Variants in KCNIP4 observed in about 807,000 individuals in gnomAD.
The protein encoded by KCNIP4 is potassium voltage-gated channel interacting protein 4, also known as Kv channel-interacting protein 4.
KCNIP4 carries 12 observed loss-of-function variants against 34.0 expected under a neutral mutation model. That is an observed-to-expected ratio of 0.35 (90% CI 0.23 to 0.57). The LOEUF is 0.57. KCNIP4 is among the 20% of genes least tolerant of loss of function. The pLI, the probability that KCNIP4 is intolerant of heterozygous loss-of-function variation, is 0.83. For missense variants in KCNIP4, 238 were observed against 311.7 expected (o/e 0.76, Z 1.78); for synonymous variants, 124 against 102.2 (o/e 1.21, Z -1.29).
chr4:21,697,047 G>C (rs17495408), intron 1 of KCNIP4, among the ~76,000 whole-genome samples: 8,535 of 151,666 alleles, frequency 0.056, 361 homozygotes, highest in Non-Finnish European at 0.084. Context: ...AAAACCCCTT[G>C]CACAATCATG....
At chr4:21,013,912 CT>C (rs1739281066) in intron 1 of KCNIP4, among the ~76,000 whole-genome samples, 1 of 152,116 alleles carries the variant, frequency 6.6e-6, no homozygotes, top group South Asian at 2.1e-4. Flanking sequence ...ACCTTGTCAG[CT>C]TCCATAGTAC....
intron 1 of KCNIP4, among the ~76,000 whole-genome samples, chr4:21,175,956 G>T (rs1754374160): frequency 6.6e-6 from 1 of 150,836 alleles, no homozygotes; most frequent in African/African-American, 2.4e-5. Flanking sequence ...ACTCCCATTT[G>T]TTTTTTTTTA....
At chr4:20,784,782 A>G (rs548395902) in intron 3 of KCNIP4, among the ~76,000 whole-genome samples, 19 of 152,288 alleles carry the variant, frequency 1.2e-4, no homozygotes, top group African/African-American at 4.3e-4. Flanking sequence ...GCAAAGATGC[A>G]TTCAGTGAAT....
At chr4:21,775,145 T>A (rs1449091435) in intron 1 of KCNIP4, among the ~76,000 whole-genome samples, 1 of 152,166 alleles carries the variant, frequency 6.6e-6, no homozygotes, top group Non-Finnish European at 1.5e-5. Context: ...GAGGCCTTTT[T>A]TTGGTTGGTG....
chr4:20,849,969 C>G lies in KCNIP4; in HGVS notation c.288+574G>C, dbSNP rs79065938. Among the ~76,000 whole-genome samples, 130 of 152,300 alleles carry G rather than the reference C, an allele frequency of 8.5e-4. 1 individual carries two copies. Among genetic ancestry groups the G allele is most frequent in the African/African-American group, 3.0e-3 (123 of 41,580 alleles). On this transcript the variant is annotated intron_variant, in intron 3 of 8. Transcript: ENST00000382152. ...TGGATCCACTCACTTTCTCTCACCCCACCCTCTGGGGTTTTCTGGGCTCTC... is the reference window on the plus strand; with the variant it reads ...TGGATCCACTCACTTTCTCTCACCCGACCCTCTGGGGTTTTCTGGGCTCTC...
chr4:21,065,729 TA>T (rs1560690211), intron 1 of KCNIP4, among the ~76,000 whole-genome samples: 990 of 34,796 alleles, frequency 0.028, 8 homozygotes, highest in African/African-American at 0.071. Flanking sequence ...CATTTGTCTA[TA>T]TATATATATA....
chr4:21,481,958 G>A (rs942592453), intron 1 of KCNIP4, among the ~76,000 whole-genome samples: 1 of 152,078 alleles, frequency 6.6e-6, no homozygotes, highest in African/African-American at 2.4e-5. Flanking sequence ...TCTCTTTGTA[G>A]GTCTCTAAGG....
At chr4:21,697,389 G>A (rs1337569226) in intron 1 of KCNIP4, 1 of 1,556,200 alleles carries the variant, frequency 6.4e-7, no homozygotes, top group Admixed American at 2.2e-5. Context: ...AGAAGGTACT[G>A]GGCAAATTTC....
At chr4:21,002,593 C>T (rs1054131812) in intron 1 of KCNIP4, among the ~76,000 whole-genome samples, 2 of 152,124 alleles carry the variant, frequency 1.3e-5, no homozygotes, top group African/African-American at 4.8e-5. Context: ...CAATGCTGTT[C>T]GAAGTGTGGC....
chr4:21,235,073 AG>A (rs1759254401), intron 1 of KCNIP4, among the ~76,000 whole-genome samples: 1 of 152,210 alleles, frequency 6.6e-6, no homozygotes, highest in African/African-American at 2.4e-5. Context: ...ATAACATAAA[AG>A]TAGTCAATAT....
chr4:20,754,285 T>G (rs537874774), intron 4 of KCNIP4, among the ~76,000 whole-genome samples: 1 of 152,282 alleles, frequency 6.6e-6, no homozygotes, highest in African/African-American at 2.4e-5. Flanking sequence ...GCTAACAGCC[T>G]GACACAATAC....
chr4:21,879,118 G>A (rs1726310820), intron 1 of KCNIP4, among the ~76,000 whole-genome samples: 1 of 151,892 alleles, frequency 6.6e-6, no homozygotes, highest in Non-Finnish European at 1.5e-5. Flanking sequence ...TCCCCCCTTA[G>A]GTCCTTTATA....
chr4:20,939,193 A>T (rs1731381743), intron 1 of KCNIP4, among the ~76,000 whole-genome samples: 1 of 152,132 alleles, frequency 6.6e-6, no homozygotes, highest in Middle Eastern at 3.4e-3. Context: ...GATTCATTAT[A>T]TCATCCTTGA....
chr4:20,740,326 C>T (rs545983267), intron 5 of KCNIP4, among the ~76,000 whole-genome samples: 157 of 152,004 alleles, frequency 1.0e-3, no homozygotes, highest in African/African-American at 3.5e-3. Context: ...TTAAGGGCAG[C>T]CAGGGAGGTC....
chr4:20,732,068 T>C lies in KCNIP4; in HGVS notation c.643A>G (p.Lys215Glu), dbSNP rs1340470997. Residue 215 changes from lysine (K) to glutamate (E), a missense_variant and splice_region_variant, in exon 8 of 9, where the codon AAA (lysine) becomes GAA (glutamate). Physicochemically the swap from Lys to Glu is moderately conservative, Grantham distance 56. Coordinates refer to ENST00000382152, the MANE Select transcript of KCNIP4 (RefSeq NM_025221.6). ...PRQHVETFFQ[K>E]MDKNKDGVVT... ...ACCCCATCTTTATTTTTGTCCATTT[T>C]CTGTTCAGGAAGAAAACAAAAATTG... The C allele has an allele frequency of 6.3e-7, 1 of 1,593,424 alleles. No homozygotes were observed. The highest frequency in any genetic ancestry group is 8.5e-7 in the Non-Finnish European group (1 of 1,172,328).
chr4:21,436,876 C>T (rs1251375974), intron 1 of KCNIP4, among the ~76,000 whole-genome samples: 1 of 152,178 alleles, frequency 6.6e-6, no homozygotes, highest in African/African-American at 2.4e-5. Flanking sequence ...TTGGATACCC[C>T]TATGCCTAAC....
intron 3 of KCNIP4, among the ~76,000 whole-genome samples, chr4:20,786,886 C>CAT (rs1471841404): frequency 6.6e-6 from 1 of 152,056 alleles, no homozygotes; most frequent in East Asian, 1.9e-4. Context: ...CCCTTAACAT[C>CAT]ATAGCATGTG....
intron 1 of KCNIP4, among the ~76,000 whole-genome samples, chr4:21,750,880 T>C (rs372193771): frequency 3.3e-5 from 5 of 151,916 alleles, no homozygotes; most frequent in African/African-American, 9.7e-5. Context: ...AACACACAAC[T>C]CCATTAGGCA....
In KCNIP4 at chr4:21,443,631, CT is replaced by C. The variant is rs547723255; in HGVS notation, c.61+504939del. ...CCTTGCCTGAGTTTGCGGCCTGATG[CT>C]CTAAAGAATTTGGACTCAAGATTGA... On this transcript the variant is annotated intron_variant, in intron 1 of 8. Coordinates refer to ENST00000382152, the MANE Select transcript of KCNIP4 (RefSeq NM_025221.6). 4.5e-4 allele frequency among the ~76,000 whole-genome samples: 69 copies of C among 152,250 alleles called. 1 individual carries two copies. Among genetic ancestry groups the C allele is most frequent in the African/African-American group, 1.6e-3 (65 of 41,556 alleles).
Sources: gnomAD v4.1 joint callset for allele counts (sites outside exome capture counted in the v4.1 genomes callset) on GRCh38, gnomAD v4.1.1 for gene constraint, MANE v1.5 for transcripts, NCBI Gene and HGNC (gene_info 2026-07-23, HGNC 2026-07-21) for gene names.